LOC128092253: variants seen among roughly 807,000 people sequenced by gnomAD.
chr6:133,958,616 G>C, the LOC128092253 span, among the ~76,000 whole-genome samples: 1 of 152,162 alleles, frequency 6.6e-6, no homozygotes, highest in South Asian at 2.1e-4. Flanking sequence ...AAATGTTTTA[G>C]TTTAGTTGTG....
chr6:133,972,704 GTTTT>G, the LOC128092253 span, among the ~76,000 whole-genome samples: 1,304 of 137,240 alleles, frequency 9.5e-3, 38 homozygotes, highest in Admixed American at 0.068. Context: ...TTGTTTGTTT[GTTTT>G]TTTCCCCTCA....
chr6:133,975,675 T>A, the LOC128092253 span, among the ~76,000 whole-genome samples: 1 of 152,178 alleles, frequency 6.6e-6, no homozygotes, highest in Non-Finnish European at 1.5e-5. Context: ...AATAATCTTT[T>A]AAAAATCAAG....
At chr6:133,971,051 T>A in the LOC128092253 span, among the ~76,000 whole-genome samples, 3 of 152,192 alleles carry the variant, frequency 2.0e-5, no homozygotes, top group African/African-American at 7.2e-5. Context: ...TCCAATCCAA[T>A]TGTAATTTTA....
At chr6:133,978,136 G>A in the LOC128092253 span, among the ~76,000 whole-genome samples, 8 of 152,226 alleles carry the variant, frequency 5.3e-5, no homozygotes, top group South Asian at 1.7e-3. Context: ...TGGATGTTGG[G>A]GTAAGCAGCC....
At chr6:133,974,562 C>T in the LOC128092253 span, among the ~76,000 whole-genome samples, 3 of 152,190 alleles carry the variant, frequency 2.0e-5, no homozygotes, top group African/African-American at 4.8e-5. Flanking sequence ...CTCCTGACCT[C>T]GTGATCCACT....
At chr6:133,963,243 A>C in the LOC128092253 span, among the ~76,000 whole-genome samples, 1 of 152,176 alleles carries the variant, frequency 6.6e-6, no homozygotes, top group Non-Finnish European at 1.5e-5. Context: ...ATGGAGAGGG[A>C]AATTCCATTA....
At chr6:133,971,079 C>G in the LOC128092253 span, among the ~76,000 whole-genome samples, 43 of 152,172 alleles carry the variant, frequency 2.8e-4, no homozygotes, top group African/African-American at 1.0e-3. Context: ...TGACCAACCT[C>G]CGTTCATTCT....
At chr6:133,958,036 C>CTT in the LOC128092253 span, among the ~76,000 whole-genome samples, 1 of 152,232 alleles carries the variant, frequency 6.6e-6, no homozygotes, top group East Asian at 1.9e-4. Flanking sequence ...GGGGGAAGTA[C>CTT]TTTTTTTAAG....
At chr6:133,956,047 C>T in the LOC128092253 span, among the ~76,000 whole-genome samples, 3 of 152,092 alleles carry the variant, frequency 2.0e-5, no homozygotes, top group African/African-American at 7.2e-5. Context: ...TCAGAAAATA[C>T]TGTATAATCT....
At chr6:133,957,096 A>G in the LOC128092253 span, among the ~76,000 whole-genome samples, 1 of 152,208 alleles carries the variant, frequency 6.6e-6, no homozygotes, top group Non-Finnish European at 1.5e-5. Context: ...CTAAAGGGTG[A>G]TAAAATAGAG....
At chr6:133,957,505 A>G in the LOC128092253 span, among the ~76,000 whole-genome samples, 2 of 152,216 alleles carry the variant, frequency 1.3e-5, no homozygotes, top group Admixed American at 6.5e-5. Flanking sequence ...ATTTGTTTCC[A>G]TTAATAAAAT....
chr6:133,973,886 A>T, the LOC128092253 span, among the ~76,000 whole-genome samples: 1 of 152,088 alleles, frequency 6.6e-6, no homozygotes, highest in Non-Finnish European at 1.5e-5. Context: ...GGCCTTGGGC[A>T]GTGGGCAAAT....
At chr6:133,958,199 T>A in the LOC128092253 span, among the ~76,000 whole-genome samples, 2 of 152,244 alleles carry the variant, frequency 1.3e-5, no homozygotes. Flanking sequence ...TGGACTTGAC[T>A]TGTTTAGCTG....
the LOC128092253 span, among the ~76,000 whole-genome samples, chr6:133,967,654 A>T: frequency 2.7e-3 from 414 of 152,318 alleles, 2 homozygotes; most frequent in Non-Finnish European, 2.1e-3. Flanking sequence ...AGGCAGTTGT[A>T]ACATAATCAT....
chr6:133,978,182 G>T, the LOC128092253 span, among the ~76,000 whole-genome samples: 2 of 152,168 alleles, frequency 1.3e-5, no homozygotes, highest in African/African-American at 4.8e-5. Flanking sequence ...TGTCCAGATG[G>T]CTCAGTAACT....
chr6:133,974,762 A>G, the LOC128092253 span, among the ~76,000 whole-genome samples: 1 of 152,226 alleles, frequency 6.6e-6, no homozygotes, highest in African/African-American at 2.4e-5. Flanking sequence ...ACACAGATTT[A>G]CTCACACTTT....
chr6:133,978,541 TG>T, the LOC128092253 span, among the ~76,000 whole-genome samples: 135 of 152,350 alleles, frequency 8.9e-4, no homozygotes, highest in African/African-American at 3.0e-3. Flanking sequence ...CAGTTCCTAT[TG>T]TCACCCCTGC....
chr6:133,976,611 G>A, the LOC128092253 span, among the ~76,000 whole-genome samples: 31 of 152,208 alleles, frequency 2.0e-4, no homozygotes, highest in African/African-American at 6.5e-4. Context: ...TATTTAGTTA[G>A]ACCTGTTTAA....
the LOC128092253 span, among the ~76,000 whole-genome samples, chr6:133,963,914 G>A: frequency 1.3e-4 from 19 of 151,804 alleles, no homozygotes; most frequent in Admixed American, 4.6e-4. Context: ...GGTGGCGGGC[G>A]CCTGTAGTCG....
Sources: allele counts gnomAD v4.1 joint callset (sites outside exome capture counted in the v4.1 genomes callset), GRCh38; gene constraint gnomAD v4.1.1; transcripts MANE v1.5.